CERT1: variants seen among roughly 807,000 people sequenced by gnomAD.
The protein encoded by CERT1 is ceramide transfer protein.
In CERT1, 31 loss-of-function variants were observed where a neutral mutation model predicts 87.9. That is an observed-to-expected ratio of 0.35 (90% confidence interval 0.27 to 0.48). The LOEUF (loss-of-function observed/expected upper bound fraction) is 0.48, where lower values mean the gene tolerates loss of function less well. Among genes scored for constraint, CERT1 ranks in the 20% least tolerant of loss-of-function variants. The pLI, the probability that CERT1 is intolerant of heterozygous loss-of-function variation, is 0.99. For missense variants in CERT1, 487 were observed against 758.0 expected (o/e 0.64, Z 4.20); for synonymous variants, 289 against 250.9 (o/e 1.15, Z -1.44).
intron 2 of CERT1, among the ~76,000 whole-genome samples, chr5:75,478,347 G>GA (rs1259832879): frequency 2.0e-5 from 3 of 151,418 alleles, no homozygotes; most frequent in African/African-American, 4.9e-5. Context: ...AAGAAAAGAG[G>GA]AAAAAACACA....
chr5:75,477,929 G>A (rs944988052), intron 2 of CERT1, among the ~76,000 whole-genome samples: 1 of 152,090 alleles, frequency 6.6e-6, no homozygotes, highest in Non-Finnish European at 1.5e-5. Flanking sequence ...AGACCTGTGG[G>A]TAAATATGGT....
intron 2 of CERT1, among the ~76,000 whole-genome samples, chr5:75,470,861 C>T (rs904400055): frequency 2.0e-5 from 3 of 152,004 alleles, no homozygotes; most frequent in African/African-American, 7.2e-5. Flanking sequence ...AAAATACCGT[C>T]AGAACTAATA....
rs1429266541 is a variant in CERT1 at position 75,443,990 on chromosome 5, T to A, written c.348+15075A>T. 2.6e-5 allele frequency among the ~76,000 whole-genome samples: 4 copies of A among 152,240 alleles called. No homozygotes were observed. In the East Asian group the frequency reaches 7.7e-4, roughly 29 times the overall value. On this transcript the variant is annotated intron_variant, in intron 3 of 16. Transcript: ENST00000643780. ...CTCTTTTGGTTGCTATTTGCATGAATATTTTCTTCCATTCTTTCACTTTCA... is the reference window on the plus strand; with the variant it reads ...CTCTTTTGGTTGCTATTTGCATGAAAATTTTCTTCCATTCTTTCACTTTCA...
intron 12 of CERT1, 83 bp downstream of exon 12, chr5:75,389,509 A>G: frequency 1.0e-6 from 1 of 998,322 alleles, no homozygotes; most frequent in East Asian, 2.4e-5. Context: ...TGAAAGTGCT[A>G]TCCTTATTCA....
chr5:75,461,834 AAAAC>A (rs1161658032), intron 2 of CERT1, among the ~76,000 whole-genome samples: 1 of 151,958 alleles, frequency 6.6e-6, no homozygotes, highest in Non-Finnish European at 1.5e-5. Context: ...AAAAAAAAAA[AAAAC>A]GAGAGAAGAT....
chr5:75,503,916 A>AATTAAACATTTAAATCTTTTGTTT (rs1374804245), intron 2 of CERT1, among the ~76,000 whole-genome samples: 1 of 151,672 alleles, frequency 6.6e-6, no homozygotes, highest in African/African-American at 2.4e-5. Context: ...GTTTAATTTA[A>AATTAAACATTTAAATCTTTTGTTT]AATTTTCTTT....
In CERT1 at chr5:75,459,184, G is replaced by A; in HGVS notation, c.232-3C>T. ...CGACATTCATCAAAATCGTGAGGCT[G>A]TGGAGAAAAAGTAGAAAATGAAAAG... On this transcript the variant is annotated splice_region_variant and splice_polypyrimidine_tract_variant and intron_variant, in intron 2 of 16. Coordinates refer to ENST00000643780, the MANE Select transcript of CERT1 (RefSeq NM_001379029.1). 1 of 1,578,450 alleles carries A rather than the reference G, an allele frequency of 6.3e-7. No individual in the cohort carries two copies. The highest frequency in any genetic ancestry group is 8.7e-7 in the Non-Finnish European group (1 of 1,147,798).
At chr5:75,504,703 A>G (rs1242227905) in intron 2 of CERT1, among the ~76,000 whole-genome samples, 1 of 151,260 alleles carries the variant, frequency 6.6e-6, no homozygotes, top group Non-Finnish European at 1.5e-5. Flanking sequence ...TTTAACTACA[A>G]CAGCTCCCTT....
intron 2 of CERT1, 62 bp downstream of exon 2, chr5:75,505,920 G>C (rs1305358460): frequency 3.7e-6 from 5 of 1,345,212 alleles, no homozygotes; most frequent in Non-Finnish European, 5.3e-6. Flanking sequence ...ACGTAGAACA[G>C]TTCCTGGTAT....
intron 8 of CERT1, 46 bp from the exon 9 acceptor site, chr5:75,403,104 C>T (rs770987152): frequency 7.8e-7 from 1 of 1,279,952 alleles, no homozygotes; most frequent in Non-Finnish European, 1.1e-6. Flanking sequence ...TTTAAAGAAA[C>T]AGAAAACTCT....
At chr5:75,511,735 C>T, upstream of CERT1, 1 of 1,549,966 alleles carries the variant, frequency 6.5e-7, no homozygotes, top group Non-Finnish European at 8.7e-7. Flanking sequence ...GCCGAGCCTT[C>T]GGGATCCTCC....
chr5:75,411,303 T>TTATGTATGTATG, intron 7 of CERT1, among the ~76,000 whole-genome samples, 200 bp from the exon 8 acceptor site: 1 of 151,930 alleles, frequency 6.6e-6, no homozygotes, highest in East Asian at 1.9e-4. Context: ...AACCTACTAT[T>TTATGTATGTATG]TATGTATGTA....
rs138534277 is a variant in CERT1, at chr5:75,499,459, C to A, written c.231+6523G>T. On this transcript the variant is annotated intron_variant, in intron 2 of 16. Transcript: ENST00000643780. ...TTTATAAAGAGCTTGTCCCCCTTTG[C>A]CTGGTTTGCATTCTCTCTCCTGCCG... is the stretch of plus-strand genomic sequence containing the variant. Among the ~76,000 whole-genome samples, 201 of 152,214 alleles carry A rather than the reference C, an allele frequency of 1.3e-3. 2 individuals are homozygous for A. Among genetic ancestry groups the A allele is most frequent in the African/African-American group, 4.6e-3 (192 of 41,526 alleles).
intron 3 of CERT1, among the ~76,000 whole-genome samples, chr5:75,445,735 C>T (rs776510070): frequency 3.3e-4 from 50 of 152,268 alleles, no homozygotes; most frequent in Admixed American, 6.5e-4. Flanking sequence ...GTTAAATGAT[C>T]CACCTGCCTC....
chr5:75,469,721 T>A (rs1765628282), intron 2 of CERT1, among the ~76,000 whole-genome samples: 4 of 152,114 alleles, frequency 2.6e-5, no homozygotes, highest in Admixed American at 2.6e-4. Context: ...TAAGCCCTTA[T>A]CTATCAATAC....
chr5:75,404,436 C>T (rs763238163), intron 8 of CERT1, among the ~76,000 whole-genome samples: 4 of 151,710 alleles, frequency 2.6e-5, no homozygotes, highest in Non-Finnish European at 5.9e-5. Context: ...ATAGTAACAA[C>T]ACCCTAGAGG....
intron 2 of CERT1, among the ~76,000 whole-genome samples, chr5:75,472,951 T>G (rs74915013): frequency 0.012 from 1,798 of 152,306 alleles, 35 homozygotes; most frequent in African/African-American, 0.042. Flanking sequence ...TGAAGAGACA[T>G]CTGTACTTCC....
rs1172686218 is a variant in CERT1, at chr5:75,511,452, G to A, written c.-245C>T. The stretch of plus-strand genomic sequence containing the variant: ...ACCCTTCCAGCCGTCAGCCGCCGCC[G>A]CCGTCGCCGTGACCCCTGCGTTGCG... On this transcript the variant is annotated 5_prime_UTR_variant, in exon 1 of 17. Transcript: ENST00000643780. 5.2e-6 allele frequency: 8 copies of A among 1,532,348 alleles called. No homozygotes were observed. In the East Asian group the frequency reaches 9.8e-5, roughly 19 times the overall value. The allele number at this position is 1,532,348 out of a possible 1,614,324, so 94.9% of individuals were successfully genotyped here.
chr5:75,452,454 C>T lies in CERT1; in HGVS notation c.348+6611G>A, dbSNP rs1274557314. 5.3e-5 allele frequency among the ~76,000 whole-genome samples: 8 copies of T among 152,182 alleles called. No individual in the cohort carries two copies. The East Asian group carries it at 1.3e-3, about 26-fold the overall frequency. On this transcript the variant is annotated intron_variant, in intron 3 of 16. Transcript: ENST00000643780. ...TCAAAATGATTTTTAAATCTCTTAG[C>T]GTCAGGAAAGCCTTCGTGCTAGTTT...
Sources: gnomAD v4.1 joint callset for allele counts (sites outside exome capture counted in the v4.1 genomes callset) on GRCh38, gnomAD v4.1.1 for gene constraint, MANE v1.5 for transcripts, NCBI Gene and HGNC (gene_info 2026-07-23, HGNC 2026-07-21) for gene names.